ATP13A3: variants seen among roughly 807,000 people sequenced by gnomAD.
The protein encoded by ATP13A3 is ATPase 13A3.
ATP13A3 carries 59 observed loss-of-function variants against 158.1 expected under a neutral mutation model. The ratio of observed to expected loss-of-function variants is 0.37; its 90% confidence interval spans 0.30 to 0.46. The LOEUF is 0.46. Ranked by LOEUF, ATP13A3 falls within the 20% of genes least tolerant of loss-of-function variation. The pLI is 1.00. For missense variants in ATP13A3, 1,166 were observed against 1,525.2 expected (o/e 0.76, Z 3.92); for synonymous variants, 491 against 504.3 (o/e 0.97, Z 0.35).
At position 194,431,751 on chromosome 3, in the gene ATP13A3, G is replaced by C; in HGVS notation, c.2387C>G (p.Thr796Arg). The C allele has an allele frequency of 1.9e-6, 3 of 1,610,336 alleles. No homozygotes were observed. The highest frequency in any genetic ancestry group is 2.5e-6 in the Non-Finnish European group (3 of 1,178,474). The change falls in exon 22 of 34, where the codon ACG (threonine) becomes AGG (arginine). Residue 796 changes from threonine to arginine, a missense_variant. Coordinates refer to ENST00000645319, the MANE Select transcript of ATP13A3 (RefSeq NM_001367549.1). ...KINWHYADSL[T>R]QCSHPSAIDP... is the part of the protein sequence containing the mutation. ...AATTGCTGATGGATGACTGCACTGC[G>C]TGAGGGAGTCTGCATAATGCCAATT... is the stretch of plus-strand genomic sequence containing the variant.
In ATP13A3 at chr3:194,460,677, A is replaced by G; in HGVS notation, c.206T>C (p.Val69Ala). The G allele has an allele frequency of 1.2e-6, 2 of 1,614,130 alleles. No individual in the cohort carries two copies. Among genetic ancestry groups the G allele is most frequent in the South Asian group, 1.1e-5 (1 of 91,082 alleles). The change falls in exon 4 of 34, where the codon GTA becomes GCA. Residue 69 changes from valine to alanine, a missense_variant. By Grantham distance (64) the Val-to-Ala change is moderately conservative (BLOSUM62 0). Around this residue, in one of 3 missense-constraint regions of ATP13A3, gnomAD observed 65 missense variants for 92.4 expected, o/e 0.70. Coordinates refer to ENST00000645319, the MANE Select transcript of ATP13A3 (RefSeq NM_001367549.1). Reference sequence around the variant, plus strand: ...ACTTACAGTAGTCCTCAGCAGCACTACTTCACAGTCTTTAATTGCAGCTCT... The same window carrying G: ...ACTTACAGTAGTCCTCAGCAGCACTGCTTCACAGTCTTTAATTGCAGCTCT... ...CVRAAIKDCE[V>A]VLLRTTDEFK...
chr3:194,492,179 A>G (rs531666449), intron 2 of ATP13A3, among the ~76,000 whole-genome samples: 1 of 151,984 alleles, frequency 6.6e-6, no homozygotes, highest in African/African-American at 2.4e-5. Flanking sequence ...CCCTTCCCCA[A>G]GTTACTCCAG....
intron 2 of ATP13A3, among the ~76,000 whole-genome samples, chr3:194,472,361 C>G (rs182073137): frequency 1.6e-4 from 24 of 152,142 alleles, no homozygotes; most frequent in African/African-American, 5.3e-4. Context: ...CTGGTCTCAA[C>G]TTCTTCTCCA....
chr3:194,435,417 A>G (rs141918285), intron 20 of ATP13A3, among the ~76,000 whole-genome samples: 46 of 152,258 alleles, frequency 3.0e-4, no homozygotes, highest in African/African-American at 1.1e-3. Context: ...TATTCAAGAT[A>G]TAAAGGCTTA....
At chr3:194,484,583 C>CT (rs1180570663) in intron 2 of ATP13A3, among the ~76,000 whole-genome samples, 1 of 152,064 alleles carries the variant, frequency 6.6e-6, no homozygotes, top group African/African-American at 2.4e-5. Flanking sequence ...TTTATTCTGT[C>CT]TTTTTTCTCA....
At position 194,405,671 on chromosome 3, in the gene ATP13A3, G is replaced by T. The variant is rs1167762889; in HGVS notation, c.*248C>A. 2 of 398,976 alleles carry T rather than the reference G, an allele frequency of 5.0e-6. No individual in the cohort carries two copies. The allele number at this position is 398,976 out of a possible 1,614,324, so 24.7% of individuals were successfully genotyped here. On this transcript the variant is annotated 3_prime_UTR_variant, in exon 34 of 34. Coordinates refer to ENST00000645319, the MANE Select transcript of ATP13A3 (RefSeq NM_001367549.1). Reference sequence around the variant, plus strand: ...GAAAGTAACAATCAAGAAAATTCTGGAAATGTATGTAATATTTGGGTTGCT... The same window carrying T: ...GAAAGTAACAATCAAGAAAATTCTGTAAATGTATGTAATATTTGGGTTGCT...
intron 30 of ATP13A3, among the ~76,000 whole-genome samples, chr3:194,420,780 G>C (rs2108767518): frequency 6.6e-6 from 1 of 151,936 alleles, no homozygotes; most frequent in East Asian, 1.9e-4. Context: ...CATAAAAGTG[G>C]CTCCAAAATT....
intron 2 of ATP13A3, among the ~76,000 whole-genome samples, chr3:194,480,907 C>A (rs1298069900): frequency 6.6e-6 from 1 of 152,212 alleles, no homozygotes; most frequent in Admixed American, 6.5e-5. Flanking sequence ...AACGGTCTCA[C>A]ACAGCTGGTG....
chr3:194,447,787 T>C, intron 13 of ATP13A3, 65 bp downstream of exon 13: 1 of 1,390,070 alleles, frequency 7.2e-7, no homozygotes, highest in East Asian at 2.3e-5. Flanking sequence ...ACATTTCAAA[T>C]CCTCAATAGC....
intron 2 of ATP13A3, among the ~76,000 whole-genome samples, chr3:194,476,769 T>TTTTG (rs1553808801): frequency 1.4e-5 from 2 of 145,476 alleles, no homozygotes; most frequent in African/African-American, 5.7e-5. Flanking sequence ...AGTTGTTGTT[T>TTTTG]TTTTTTTTTT....
At chr3:194,474,337 T>C (rs1720434353) in intron 2 of ATP13A3, among the ~76,000 whole-genome samples, 2 of 152,118 alleles carry the variant, frequency 1.3e-5, no homozygotes, top group South Asian at 2.1e-4. Flanking sequence ...AATTCCCCCA[T>C]AAAGATGAGG....
intron 2 of ATP13A3, among the ~76,000 whole-genome samples, chr3:194,470,995 G>T (rs1220474969): frequency 6.6e-6 from 1 of 152,206 alleles, no homozygotes; most frequent in Non-Finnish European, 1.5e-5. Context: ...TCTGGGCTGG[G>T]TGGGAGTGAG....
chr3:194,457,006 T>G (rs1719276820), intron 7 of ATP13A3, 88 bp downstream of exon 7: 1 of 848,908 alleles, frequency 1.2e-6, no homozygotes, highest in African/African-American at 1.7e-5. Flanking sequence ...TCTGTTAATA[T>G]GTACAACTAT....
rs774843209 is a variant in ATP13A3, at chr3:194,437,170, C to G, written c.2045G>C (p.Gly682Ala). 6.2e-7 allele frequency: 1 copy of G among 1,613,764 alleles called. No homozygotes were observed. The highest frequency in any genetic ancestry group is 1.3e-5 in the African/African-American group (1 of 74,906). ...GTGTGCAAGAGCAATCACACGGAAG[C>G]CCTGTTTAGTGAAGTCTTCCAAAAC... ...QNVLEDFTKQ[G>A]FRVIALAHRK... is the part of the protein sequence containing the mutation. Residue 682 changes from glycine (G) to alanine (A), a missense_variant, in exon 20 of 34, where the codon GGC becomes GCC. By Grantham distance (60) the Gly-to-Ala change is moderately conservative (BLOSUM62 0). Transcript: ENST00000645319.
chr3:194,410,923 G>GGTTGGGGT (rs1175074660), intron 33 of ATP13A3, among the ~76,000 whole-genome samples: 103 of 134,204 alleles, frequency 7.7e-4, no homozygotes, highest in East Asian at 4.5e-3. Flanking sequence ...GGGGTGGGAG[G>GGTTGGGGT]GTTGGGGTGT....
chr3:194,418,783 C>T (rs1054230393), intron 31 of ATP13A3, among the ~76,000 whole-genome samples: 1 of 152,156 alleles, frequency 6.6e-6, no homozygotes, highest in Non-Finnish European at 1.5e-5. Context: ...GCAGAGGAAA[C>T]TTTTGTCCCT....
chr3:194,448,579 C>G lies in ATP13A3; in HGVS notation c.1028G>C (p.Gly343Ala), dbSNP rs778885372. Reference protein sequence around the residue: ...NLPNPSVDVKGIGDELYNPET... With the variant: ...NLPNPSVDVKAIGDELYNPET... ...TGGATTATATAATTCATCTCCTATT[C>G]CTTTCACATCCACTGAAGGATTTGG... The change falls in exon 12 of 34, where the codon GGA (glycine) becomes GCA (alanine). Residue 343 changes from glycine (G) to alanine (A), a missense_variant. By Grantham distance (60) the Gly-to-Ala change is moderately conservative (BLOSUM62 0). Coordinates refer to ENST00000645319, the MANE Select transcript of ATP13A3 (RefSeq NM_001367549.1). The surrounding 1 kb of genome is among the most constrained non-coding windows in gnomAD (Gnocchi z 4.0). The G allele has an allele frequency of 6.2e-7, 1 of 1,613,854 alleles. No homozygotes were observed. Among genetic ancestry groups the G allele is most frequent in the Non-Finnish European group, 8.5e-7 (1 of 1,179,942 alleles).
intron 6 of ATP13A3, among the ~76,000 whole-genome samples, chr3:194,457,386 G>A (rs567961538): frequency 5.8e-4 from 88 of 152,110 alleles, no homozygotes; most frequent in Non-Finnish European, 8.5e-4. Flanking sequence ...ACCCAACTTC[G>A]AAGCTATTCA....
chr3:194,446,987 G>T lies in ATP13A3; in HGVS notation c.1437C>A (p.Phe479Leu). 1 of 1,613,768 alleles carries T rather than the reference G, an allele frequency of 6.2e-7. No homozygotes were observed. The highest frequency in any genetic ancestry group is 8.5e-7 in the Non-Finnish European group (1 of 1,179,928). ...TATTTATTCTTTGAGGACTGATACA[G>T]AAAATACCGATTTTTTTCAGTCTTC... is the stretch of plus-strand genomic sequence containing the variant. ...AQRRLKKIGIFCISPQRINIC... is the reference protein window; with the variant it reads ...AQRRLKKIGILCISPQRINIC... Residue 479 changes from phenylalanine (F) to leucine (L), a missense_variant, in exon 14 of 34, where the codon TTC becomes TTA. Physicochemically the swap from Phe to Leu is conservative, Grantham distance 22 (BLOSUM62 0). Coordinates refer to ENST00000645319, the MANE Select transcript of ATP13A3 (RefSeq NM_001367549.1).
Sources: allele counts gnomAD v4.1 joint callset (sites outside exome capture counted in the v4.1 genomes callset), GRCh38; gene constraint gnomAD v4.1.1; regional missense constraint gnomAD v4.1.1; non-coding constraint Gnocchi (gnomAD v3.1); transcripts MANE v1.5; gene names NCBI Gene and HGNC (gene_info 2026-07-23, HGNC 2026-07-21).